CNBD1: variants seen among roughly 807,000 people sequenced by gnomAD.
CNBD1 encodes the protein cyclic nucleotide-binding domain-containing protein 1.
A neutral mutation model predicts 54.4 loss-of-function variants in CNBD1; 71 were observed. The observed-to-expected ratio is 1.30, with a 90% CI of 1.08 to 1.59. The LOEUF (loss-of-function observed/expected upper bound fraction) is 1.59. Among genes scored for constraint, CNBD1 ranks in the 40% most tolerant of loss-of-function variants. The pLI, the probability that CNBD1 is intolerant of heterozygous loss-of-function variation, is 0.00. For missense variants in CNBD1, 659 were observed against 518.0 expected (o/e 1.27, Z -2.64); for synonymous variants, 182 against 170.7 (o/e 1.07, Z -0.51).
intron 4 of CNBD1, among the ~76,000 whole-genome samples, chr8:86,967,800 A>G (rs1282017055): frequency 5.0e-5 from 7 of 140,670 alleles, no homozygotes; most frequent in Admixed American, 1.4e-4. Flanking sequence ...TTGCTTGTTC[A>G]GTTTTTTTTT....
intron 5 of CNBD1, among the ~76,000 whole-genome samples, chr8:87,232,119 A>G (rs1355159455): frequency 6.6e-6 from 1 of 152,158 alleles, no homozygotes; most frequent in Non-Finnish European, 1.5e-5. Context: ...ATTCCTTTTC[A>G]TAGCTGAGTA....
At chr8:87,289,520 G>A (rs1247444555) in intron 8 of CNBD1, among the ~76,000 whole-genome samples, 1 of 152,018 alleles carries the variant, frequency 6.6e-6, no homozygotes, top group African/African-American at 2.4e-5. Flanking sequence ...ATGGTAAACT[G>A]ACTTGGCAAA....
intron 4 of CNBD1, among the ~76,000 whole-genome samples, chr8:87,010,043 T>C (rs906714775): frequency 6.6e-6 from 1 of 152,198 alleles, no homozygotes; most frequent in African/African-American, 2.4e-5. Context: ...GTGGCTACTT[T>C]TAGGTTTTTC....
chr8:87,224,966 G>A (rs914592114), intron 5 of CNBD1, among the ~76,000 whole-genome samples: 2 of 152,146 alleles, frequency 1.3e-5, no homozygotes, highest in Non-Finnish European at 2.9e-5. Flanking sequence ...CACATCCCTT[G>A]TAAGTTGGAT....
intron 10 of CNBD1, among the ~76,000 whole-genome samples, chr8:87,368,492 G>T (rs112767213): frequency 2.0e-5 from 3 of 151,826 alleles, no homozygotes; most frequent in Non-Finnish European, 4.4e-5. Flanking sequence ...TAAAAAGTTA[G>T]CTGGGCATGG....
intron 2 of CNBD1, among the ~76,000 whole-genome samples, chr8:87,394,959 A>C (rs1046104122): frequency 2.0e-5 from 3 of 151,974 alleles, no homozygotes; most frequent in African/African-American, 4.8e-5. Context: ...CACCAAATTA[A>C]GTAATTGAAT....
intron 8 of CNBD1, among the ~76,000 whole-genome samples, chr8:87,302,132 AT>A: frequency 6.6e-6 from 1 of 152,204 alleles, no homozygotes; most frequent in Non-Finnish European, 1.5e-5. Flanking sequence ...TCCCTAACTC[AT>A]TTTATGAGGC....
intron 2 of CNBD1, among the ~76,000 whole-genome samples, chr8:87,411,988 T>A (rs969199688): frequency 1.3e-5 from 2 of 152,022 alleles, no homozygotes; most frequent in African/African-American, 2.4e-5. Context: ...TACAACTGAA[T>A]GAAATTTTCT....
chr8:87,197,443 G>C (rs1813746386), intron 4 of CNBD1, among the ~76,000 whole-genome samples: 1 of 152,212 alleles, frequency 6.6e-6, no homozygotes, highest in South Asian at 2.1e-4. Context: ...CAGAGTTGCA[G>C]AGTTGCTGCT....
At chr8:87,195,042 C>G (rs539861825) in intron 4 of CNBD1, among the ~76,000 whole-genome samples, 64 of 151,904 alleles carry the variant, frequency 4.2e-4, no homozygotes, top group African/African-American at 1.5e-3. Context: ...TTCCACCACA[C>G]CCAACTAATT....
At chr8:87,342,614 G>T (rs1041310955) in intron 8 of CNBD1, among the ~76,000 whole-genome samples, 2 of 152,090 alleles carry the variant, frequency 1.3e-5, no homozygotes, top group African/African-American at 2.4e-5. Flanking sequence ...AAAGAGAAAG[G>T]GTATAAAGAG....
At chr8:87,015,631 T>C (rs1041718304) in intron 4 of CNBD1, among the ~76,000 whole-genome samples, 4 of 152,058 alleles carry the variant, frequency 2.6e-5, no homozygotes, top group African/African-American at 9.7e-5. Context: ...TTTTGTTGGC[T>C]CCTGTAACTT....
chr8:86,887,913 T>G (rs1161797618), intron 2 of CNBD1, among the ~76,000 whole-genome samples: 1 of 152,156 alleles, frequency 6.6e-6, no homozygotes, highest in Non-Finnish European at 1.5e-5. Context: ...ACACACATAC[T>G]GAATGAAATA....
In CNBD1 at chr8:87,422,796, C is replaced by T. The variant is rs1025173701; in HGVS notation, c.214-5750C>T. Among the ~76,000 whole-genome samples the T allele has an allele frequency of 4.0e-4, 61 of 152,046 alleles. 1 individual carries two copies. In the South Asian group the frequency reaches 4.2e-3, roughly 10 times the overall value. On this transcript the variant is annotated intron_variant, in intron 2 of 7. Transcript: ENST00000521593. ...CCATATGAACTTTAAAGTAGTTTTT[C>T]CCAATTCTGTGAAGAAAGGCATTGG...
chr8:87,316,117 T>G (rs533784525), intron 8 of CNBD1, among the ~76,000 whole-genome samples: 1 of 151,992 alleles, frequency 6.6e-6, no homozygotes, highest in Non-Finnish European at 1.5e-5. Context: ...TAATAAAAAA[T>G]TAGTATTCTA....
chr8:87,426,705 G>T (rs1808057010), intron 2 of CNBD1, among the ~76,000 whole-genome samples: 1 of 152,140 alleles, frequency 6.6e-6, no homozygotes, highest in Non-Finnish European at 1.5e-5. Flanking sequence ...AGGACTACAT[G>T]AAATAACGGC....
chr8:87,056,092 G>C (rs1245682310), intron 4 of CNBD1, among the ~76,000 whole-genome samples: 1 of 152,078 alleles, frequency 6.6e-6, no homozygotes, highest in Non-Finnish European at 1.5e-5. Flanking sequence ...CCACTTTACA[G>C]ATAAAGAGTC....
chr8:87,011,337 G>A (rs1398672231), intron 4 of CNBD1, among the ~76,000 whole-genome samples: 1 of 152,034 alleles, frequency 6.6e-6, no homozygotes, highest in African/African-American at 2.4e-5. Context: ...CAAATGCCTT[G>A]AGGGGAAAAG....
chr8:86,988,025 A>G (rs1238259745), intron 4 of CNBD1, among the ~76,000 whole-genome samples: 1 of 152,140 alleles, frequency 6.6e-6, no homozygotes, highest in East Asian at 1.9e-4. Flanking sequence ...ATGAGCAGGA[A>G]GGAAACTCTC....
Sources: allele counts gnomAD v4.1 joint callset (sites outside exome capture counted in the v4.1 genomes callset), GRCh38; gene constraint gnomAD v4.1.1; transcripts MANE v1.5; gene names NCBI Gene and HGNC (gene_info 2026-07-23, HGNC 2026-07-21).